PELI2: variants seen among roughly 807,000 people sequenced by gnomAD.
PELI2 encodes the protein E3 ubiquitin-protein ligase pellino homolog 2.
Under a neutral mutation model 42.3 loss-of-function variants are expected in PELI2, and 23 were observed. That is an observed-to-expected ratio of 0.54 (90% confidence interval 0.39 to 0.77). The LOEUF is 0.77. Among genes scored for constraint, PELI2 ranks in the 30% least tolerant of loss-of-function variants. The pLI is 0.00. For synonymous variants in PELI2, 245 were observed against 212.2 expected (o/e 1.15, Z -1.34); for missense variants, 463 against 553.2 (o/e 0.84, Z 1.64).
At chr14:56,169,387 G>A (rs576279852) in intron 1 of PELI2, among the ~76,000 whole-genome samples, 16 of 152,326 alleles carry the variant, frequency 1.1e-4, no homozygotes, top group African/African-American at 3.8e-4. Flanking sequence ...CTGGATAGGC[G>A]ATTGGCCAGG....
chr14:56,255,894 T>G (rs1207932934), intron 2 of PELI2, among the ~76,000 whole-genome samples: 1 of 152,288 alleles, frequency 6.6e-6, no homozygotes, highest in Non-Finnish European at 1.5e-5. Flanking sequence ...ACCTTGAACA[T>G]GGCTAGTCCC....
At chr14:56,169,074 T>C (rs899416955) in intron 1 of PELI2, among the ~76,000 whole-genome samples, 5 of 152,152 alleles carry the variant, frequency 3.3e-5, no homozygotes, top group Admixed American at 6.5e-5. Context: ...CTCCCCACTC[T>C]ACCGTCTCCT....
At chr14:56,209,175 A>T (rs954416715) in intron 2 of PELI2, among the ~76,000 whole-genome samples, 1 of 152,246 alleles carries the variant, frequency 6.6e-6, no homozygotes, top group African/African-American at 2.4e-5. Flanking sequence ...AATTCAAAGT[A>T]TAAATTACAC....
At chr14:56,126,920 A>C (rs755159522) in intron 1 of PELI2, among the ~76,000 whole-genome samples, 2 of 152,162 alleles carry the variant, frequency 1.3e-5, no homozygotes, top group Admixed American at 6.5e-5. Flanking sequence ...TCAAAATGCA[A>C]CCTGACAAGA....
intron 2 of PELI2, among the ~76,000 whole-genome samples, chr14:56,200,624 T>G (rs1466649552): frequency 1.3e-5 from 2 of 152,160 alleles, no homozygotes; most frequent in Non-Finnish European, 2.9e-5. Flanking sequence ...CACACGCAGT[T>G]GTTGAAATAT....
chr14:56,145,949 A>G (rs1283530181), intron 1 of PELI2, among the ~76,000 whole-genome samples: 3 of 152,252 alleles, frequency 2.0e-5, no homozygotes, highest in Admixed American at 2.0e-4. Flanking sequence ...TATTTTTTAC[A>G]GCTATAAACC....
At chr14:56,123,361 T>G (rs1883133753) in intron 1 of PELI2, among the ~76,000 whole-genome samples, 1 of 152,208 alleles carries the variant, frequency 6.6e-6, no homozygotes, top group Non-Finnish European at 1.5e-5. Context: ...AACATTAGTA[T>G]CTTTTATAGA....
chr14:56,271,905 C>G (rs954769276), intron 2 of PELI2, among the ~76,000 whole-genome samples: 2 of 152,200 alleles, frequency 1.3e-5, no homozygotes, highest in African/African-American at 4.8e-5. Flanking sequence ...GGGACTCTTT[C>G]TTCCCAGGCA....
At chr14:56,191,008 G>A (rs1227477304) in intron 2 of PELI2, among the ~76,000 whole-genome samples, 3 of 152,188 alleles carry the variant, frequency 2.0e-5, no homozygotes, top group Admixed American at 6.5e-5. Context: ...GAACTCTATG[G>A]TAAACTCTGG....
At chr14:56,237,362 G>T (rs189942743) in intron 2 of PELI2, among the ~76,000 whole-genome samples, 3 of 152,188 alleles carry the variant, frequency 2.0e-5, no homozygotes, top group South Asian at 4.1e-4. Context: ...TGGCAGAAAC[G>T]CATCCACACC....
chr14:56,230,735 A>C (rs1887530270), intron 2 of PELI2, among the ~76,000 whole-genome samples: 2 of 152,324 alleles, frequency 1.3e-5, no homozygotes, highest in South Asian at 2.1e-4. Context: ...GACAGGATCA[A>C]ATTCACACGT....
chr14:56,279,995 A>G (rs566235843), intron 3 of PELI2, among the ~76,000 whole-genome samples: 27 of 152,330 alleles, frequency 1.8e-4, no homozygotes, highest in African/African-American at 6.3e-4. Flanking sequence ...ACCTCAGTGC[A>G]ATAAAAATAG....
chr14:56,146,113 C>G lies in PELI2; in HGVS notation c.77+27376C>G, dbSNP rs145955195. The stretch of plus-strand genomic sequence containing the variant: ...TCATCCCGGCAGAGGTTTTTAAGTT[C>G]AGACTACCTCTCCTGCGTGGGATGA... On this transcript the variant is annotated intron_variant, in intron 1 of 5. Transcript: ENST00000267460. Among the ~76,000 whole-genome samples the G allele has an allele frequency of 2.0e-5, 3 of 152,290 alleles. No individual in the cohort carries two copies. The East Asian group carries it at 5.8e-4, about 29-fold the overall frequency.
chr14:56,246,996 G>A (rs1014673973), intron 2 of PELI2, among the ~76,000 whole-genome samples: 5 of 152,164 alleles, frequency 3.3e-5, no homozygotes, highest in Admixed American at 6.5e-5. Flanking sequence ...TTTTTACGTT[G>A]TTGGTCTACT....
chr14:56,133,074 T>C (rs1883552893), intron 1 of PELI2, among the ~76,000 whole-genome samples: 1 of 152,206 alleles, frequency 6.6e-6, no homozygotes, highest in African/African-American at 2.4e-5. Context: ...TCCTCATTTT[T>C]CTTTAATCCA....
chr14:56,270,118 C>T (rs1448284323), intron 2 of PELI2, among the ~76,000 whole-genome samples: 2 of 152,174 alleles, frequency 1.3e-5, no homozygotes, highest in East Asian at 1.9e-4. Context: ...CAGGGTTTAT[C>T]GAATAGCTCA....
At chr14:56,165,795 C>T (rs1884936493) in intron 1 of PELI2, among the ~76,000 whole-genome samples, 3 of 151,986 alleles carry the variant, frequency 2.0e-5, no homozygotes, top group Non-Finnish European at 4.4e-5. Context: ...CAGTTTTTTT[C>T]TCGAAATCAA....
At chr14:56,293,717 G>A (rs975666530) in intron 5 of PELI2, among the ~76,000 whole-genome samples, 1 of 152,122 alleles carries the variant, frequency 6.6e-6, no homozygotes, top group Non-Finnish European at 1.5e-5. Context: ...GCACAGTCAT[G>A]AGAAGGTACC....
rs139761324 is a variant in PELI2, at chr14:56,246,155, G to A, written c.208-33521G>A. 6.1e-3 allele frequency among the ~76,000 whole-genome samples: 931 copies of A among 152,216 alleles called. 10 individuals are homozygous for A. The highest frequency in any genetic ancestry group is 0.021 in the African/African-American group (871 of 41,520). ...ATCTCCTCTGGAGTGCACCTGGTGC[G>A]TTCTCCATGTACTTTCTCTCATGGG... On this transcript the variant is annotated intron_variant, in intron 2 of 5. Coordinates refer to ENST00000267460, the MANE Select transcript of PELI2 (RefSeq NM_021255.3).
Sources: allele counts gnomAD v4.1 joint callset (sites outside exome capture counted in the v4.1 genomes callset), GRCh38; gene constraint gnomAD v4.1.1; transcripts MANE v1.5; gene names NCBI Gene and HGNC (gene_info 2026-07-23, HGNC 2026-07-21).